Variants in RGS22 observed in about 807,000 individuals in gnomAD.
RGS22 encodes regulator of G-protein signaling 22.
Under a neutral mutation model 172.9 loss-of-function variants are expected in RGS22, and 148 were observed. The observed-to-expected ratio is 0.86, with a 90% CI of 0.75 to 0.98. RGS22 has a LOEUF of 0.98. Ranked by LOEUF, RGS22 falls within the 50% of genes least tolerant of loss-of-function variation. The pLI is 0.00. For missense variants in RGS22, 1,347 were observed against 1,440.8 expected (o/e 0.93, Z 1.05); for synonymous variants, 458 against 480.2 (o/e 0.95, Z 0.60).
intron 14 of RGS22, among the ~76,000 whole-genome samples, chr8:100,036,716 A>AGC (rs1464053691): frequency 1.3e-5 from 2 of 152,202 alleles, no homozygotes; most frequent in Admixed American, 6.5e-5. Context: ...CTCCCACCTC[A>AGC]GCCTCTTCAG....
chr8:100,089,960 C>T (rs182484575), intron 3 of RGS22, among the ~76,000 whole-genome samples: 1 of 152,232 alleles, frequency 6.6e-6, no homozygotes, highest in African/African-American at 2.4e-5. Flanking sequence ...AACTTTTCAT[C>T]CAAGTCCCTG....
At chr8:99,961,389 C>A (rs1810173241) in intron 27 of RGS22, among the ~76,000 whole-genome samples, 193 bp from the exon 28 acceptor site, 2 of 152,188 alleles carry the variant, frequency 1.3e-5, no homozygotes, top group East Asian at 1.9e-4. Context: ...GCAACTGAAG[C>A]ATGGGGGTGG....
intron 10 of RGS22, among the ~76,000 whole-genome samples, chr8:100,050,581 A>G (rs1400347011): frequency 6.6e-6 from 1 of 152,180 alleles, no homozygotes; most frequent in Non-Finnish European, 1.5e-5. Flanking sequence ...ATGTGACTAT[A>G]TGGCCAATAA....
intron 22 of RGS22, among the ~76,000 whole-genome samples, chr8:99,980,146 T>C (rs1382568982): frequency 1.3e-5 from 2 of 152,158 alleles, no homozygotes; most frequent in Admixed American, 6.6e-5. Flanking sequence ...CCCAGGCTGG[T>C]CTTGAACTCC....
chr8:100,037,751 G>A (rs542430042), intron 14 of RGS22, among the ~76,000 whole-genome samples: 156 of 152,300 alleles, frequency 1.0e-3, no homozygotes, highest in African/African-American at 3.5e-3. Flanking sequence ...AGGGGCAATA[G>A]TTTAGGAGGA....
At chr8:100,026,719 T>C (rs976569001) in intron 14 of RGS22, among the ~76,000 whole-genome samples, 2 of 152,208 alleles carry the variant, frequency 1.3e-5, no homozygotes, top group Non-Finnish European at 2.9e-5. Flanking sequence ...AGATGTAAAA[T>C]TGATTCTGAA....
At chr8:99,992,344 C>A (rs1813847597) in intron 20 of RGS22, among the ~76,000 whole-genome samples, 2 of 151,990 alleles carry the variant, frequency 1.3e-5, no homozygotes, top group Non-Finnish European at 2.9e-5. Flanking sequence ...GAGTCAAGAC[C>A]CATCAGTGTG....
At chr8:100,047,722 C>A in intron 10 of RGS22, 126 bp from the exon 11 acceptor site, 1 of 776,760 alleles carries the variant, frequency 1.3e-6, no homozygotes, top group Non-Finnish European at 1.8e-6. Flanking sequence ...ACAATGCTTC[C>A]CAATAAAATA....
At chr8:100,074,596 CTTCA>C (rs1456583582) in intron 4 of RGS22, among the ~76,000 whole-genome samples, 8 of 152,186 alleles carry the variant, frequency 5.3e-5, no homozygotes, top group African/African-American at 1.9e-4. Flanking sequence ...TGTATAAATA[CTTCA>C]TTCTTTTTTG....
intron 27 of RGS22, among the ~76,000 whole-genome samples, chr8:99,961,748 G>A (rs1588851339): frequency 6.6e-6 from 1 of 152,200 alleles, no homozygotes; most frequent in Admixed American, 6.5e-5. Context: ...GGAGAAATGG[G>A]CAAAAGAGTA....
chr8:99,996,727 C>T (rs908987540), intron 19 of RGS22, among the ~76,000 whole-genome samples, 197 bp from the exon 20 acceptor site: 5 of 152,172 alleles, frequency 3.3e-5, no homozygotes, highest in African/African-American at 1.2e-4. Context: ...CTAACCTCAT[C>T]TGTAAAATAG....
chr8:100,055,183 C>T (rs1822118170), intron 9 of RGS22, among the ~76,000 whole-genome samples: 1 of 152,206 alleles, frequency 6.6e-6, no homozygotes, highest in Admixed American at 6.5e-5. Flanking sequence ...GGGGTGGTTA[C>T]AGCAGGGCTT....
intron 20 of RGS22, 94 bp downstream of exon 20, chr8:99,996,368 C>A: frequency 1.0e-6 from 1 of 995,056 alleles, no homozygotes; most frequent in Non-Finnish European, 1.6e-6. Context: ...ACAGTGTGTC[C>A]TCAGTGAGGA....
intron 18 of RGS22, 87 bp from the exon 19 acceptor site, chr8:99,999,507 C>T (rs1251815765): frequency 1.7e-5 from 24 of 1,440,142 alleles, no homozygotes; most frequent in Non-Finnish European, 1.8e-5. Flanking sequence ...ACTACAAAAC[C>T]ATTTGCTGCA....
At chr8:100,074,836 C>T (rs750109161) in intron 4 of RGS22, among the ~76,000 whole-genome samples, 10 of 151,854 alleles carry the variant, frequency 6.6e-5, no homozygotes, top group Non-Finnish European at 1.3e-4. Flanking sequence ...GGCGTGATCT[C>T]GGCTCACTGC....
chr8:99,972,356 C>G (rs949962330), intron 23 of RGS22, among the ~76,000 whole-genome samples: 3 of 151,890 alleles, frequency 2.0e-5, no homozygotes, highest in Non-Finnish European at 4.4e-5. Flanking sequence ...GACTTCATGA[C>G]TAAAACACCA....
Position 100,071,476 on chromosome 8 carries a change from A to G in RGS22, c.487T>C (p.Ser163Pro), listed in dbSNP as rs1366786525. The G allele has an allele frequency of 6.2e-7, 1 of 1,612,928 alleles. No homozygotes were observed. Among genetic ancestry groups the G allele is most frequent in the East Asian group, 2.2e-5 (1 of 44,808 alleles). ...SKSGMNFTVG[S>P]NFSPWIVKKP... is the part of the protein sequence containing the mutation. ...TTCACGATCCAGGGAGAAAAATTTG[A>G]TCCTACTGTGAAATTCATGCCGGAC... The change falls in exon 6 of 28, where the codon TCA becomes CCA. Residue 163 changes from serine (S) to proline (P), a missense_variant. Ser to Pro is a moderately conservative substitution (Grantham distance 74). Transcript: ENST00000360863.
intron 23 of RGS22, among the ~76,000 whole-genome samples, chr8:99,967,785 C>T (rs565496885): frequency 6.6e-5 from 10 of 152,234 alleles, no homozygotes; most frequent in Admixed American, 2.0e-4. Context: ...ACCTGGGGGA[C>T]GGGGTGGCTG....
In RGS22 at chr8:99,961,053, C is replaced by G. The variant is rs1275041450; in HGVS notation, c.*189G>C. The stretch of plus-strand genomic sequence containing the variant: ...TAATTTTAAAACTGCGAGAGTAAGA[C>G]AAGCCAAATTTTCTTTATTTATTTC... On this transcript the variant is annotated 3_prime_UTR_variant, in exon 28 of 28. Transcript: ENST00000360863. 3 of 368,056 alleles carry G rather than the reference C, an allele frequency of 8.2e-6. No homozygotes were observed. The highest frequency in any genetic ancestry group is 1.6e-5 in the Non-Finnish European group (3 of 189,554). The allele number at this position is 368,056 out of a possible 1,614,324, so 22.8% of individuals were successfully genotyped here.
Sources: allele counts gnomAD v4.1 joint callset (sites outside exome capture counted in the v4.1 genomes callset), GRCh38; gene constraint gnomAD v4.1.1; transcripts MANE v1.5; gene names NCBI Gene and HGNC (gene_info 2026-07-23, HGNC 2026-07-21).